The following SLC3A2 variants were observed in gnomAD, a reference collection of about 807,000 sequenced individuals.
SLC3A2 encodes amino acid transporter heavy chain SLC3A2.
A neutral mutation model predicts 48.5 loss-of-function variants in SLC3A2; 32 were observed. The ratio of observed to expected loss-of-function variants is 0.66; its 90% CI spans 0.50 to 0.89. The LOEUF (loss-of-function observed/expected upper bound fraction) is 0.89. Among genes scored for constraint, SLC3A2 ranks in the 40% least tolerant of loss-of-function variants. The pLI is 0.00. For synonymous variants in SLC3A2, 277 were observed against 288.8 expected, an observed-to-expected ratio of 0.96 and a Z score of 0.41; for missense variants, 587 against 680.7, an observed-to-expected ratio of 0.86 and a Z score of 1.53.
chr11:62,882,263 G>A (rs2085651779), intron 2 of SLC3A2, 197 bp downstream of exon 2: 1 of 619,748 alleles, frequency 1.6e-6, no homozygotes, highest in African/African-American at 1.8e-5. Flanking sequence ...GTGGAATCTT[G>A]AGCAGGTCAT....
chr11:62,869,810 T>A (rs2085492575), intron 1 of SLC3A2, among the ~76,000 whole-genome samples: 2 of 150,126 alleles, frequency 1.3e-5, no homozygotes, highest in Admixed American at 1.3e-4. Flanking sequence ...TGAGTTGGAG[T>A]CTTGCTCTGT....
At chr11:62,886,032 G>A (rs2085709311) in intron 7 of SLC3A2, among the ~76,000 whole-genome samples, 1 of 152,202 alleles carries the variant, frequency 6.6e-6, no homozygotes, top group African/African-American at 2.4e-5. Flanking sequence ...GCTCATGCCT[G>A]TAATCCTAGC....
intron 1 of SLC3A2, among the ~76,000 whole-genome samples, chr11:62,865,408 C>T (rs2085441984): frequency 6.6e-6 from 1 of 151,966 alleles, no homozygotes; most frequent in Non-Finnish European, 1.5e-5. Flanking sequence ...CAAAAATTAG[C>T]TGGGCATGGT....
chr11:62,882,365 G>A (rs906950482), intron 2 of SLC3A2: 1 of 348,974 alleles, frequency 2.9e-6, no homozygotes, highest in Admixed American at 4.4e-5. Context: ...GTTTTTTTGG[G>A]GGGGGGGAAT....
intron 3 of SLC3A2, 150 bp downstream of exon 3, chr11:62,883,149 G>C: frequency 1.5e-6 from 1 of 668,008 alleles, no homozygotes; most frequent in Non-Finnish European, 2.7e-6. Flanking sequence ...ATAGCCAAAG[G>C]ATAGGCCAAT....
intron 1 of SLC3A2, among the ~76,000 whole-genome samples, chr11:62,863,645 G>C (rs2085424222): frequency 6.6e-6 from 1 of 152,198 alleles, no homozygotes; most frequent in South Asian, 2.1e-4. Flanking sequence ...TTCTGGTTCT[G>C]CTTTCAGCTT....
At chr11:62,871,527 A>C in intron 1 of SLC3A2, 1 of 582,098 alleles carries the variant, frequency 1.7e-6, no homozygotes, top group Non-Finnish European at 3.1e-6. Context: ...GGCGTGAGCC[A>C]CTGTGCCCAA....
At position 62,888,173 on chromosome 11, in the gene SLC3A2, C is replaced by T. The variant is rs1182366880; in HGVS notation, c.1182C>T (p.Ser394=). The part of the protein sequence containing the change: ...EAPVMLWDES[S]FPDIPGAVSA... The stretch of plus-strand genomic sequence containing the variant: ...CAGTCATGCTGTGGGATGAGTCCAG[C>T]TTCCCTGACATCCCAGGGGCTGTAA... Residue 394 remains serine (S), a synonymous_variant, in exon 8 of 9, where the codon AGC becomes AGT. Coordinates refer to ENST00000338663, the MANE Select transcript of SLC3A2 (RefSeq NM_001013251.3). 1 of 1,614,044 alleles carries T rather than the reference C, an allele frequency of 6.2e-7. No homozygotes were observed. The highest frequency in any genetic ancestry group is 1.1e-5 in the South Asian group (1 of 91,074).
chr11:62,887,510 C>T (rs528558463), intron 7 of SLC3A2, among the ~76,000 whole-genome samples: 15 of 152,202 alleles, frequency 9.9e-5, no homozygotes, highest in African/African-American at 3.6e-4. Context: ...CGAGACCAGC[C>T]TAGCCAACAT....
chr11:62,859,839 G>A (rs2085378989), intron 1 of SLC3A2, among the ~76,000 whole-genome samples: 1 of 151,768 alleles, frequency 6.6e-6, no homozygotes, highest in Non-Finnish European at 1.5e-5. Context: ...CTGTAATCCT[G>A]AAGGGGGCCA....
chr11:62,857,250 T>C (rs1485419021), intron 1 of SLC3A2, among the ~76,000 whole-genome samples: 1 of 152,164 alleles, frequency 6.6e-6, no homozygotes, highest in Non-Finnish European at 1.5e-5. Flanking sequence ...GCCTCCTGAG[T>C]AGCTGGGATT....
At position 62,881,858 on chromosome 11, in the gene SLC3A2, A is replaced by T. The variant is rs1459348222; in HGVS notation, c.425-35A>T. The T allele has an allele frequency of 6.2e-7, 1 of 1,604,518 alleles. No homozygotes were observed. ...GGTGGGGAGGTCAGGGGCCTCTCAG[A>T]GGGGCCTCACTTGTTAACCCAGCCC... On this transcript the variant is annotated intron_variant, in intron 1 of 8. Transcript: ENST00000338663. The surrounding 1 kb of genome is among the most constrained non-coding windows in gnomAD (Gnocchi z 4.0).
intron 7 of SLC3A2, among the ~76,000 whole-genome samples, chr11:62,886,048 G>A (rs1387747229): frequency 6.6e-6 from 1 of 152,194 alleles, no homozygotes; most frequent in Non-Finnish European, 1.5e-5. Context: ...CTAGCACTTT[G>A]GGAGTCCAAG....
intron 1 of SLC3A2, among the ~76,000 whole-genome samples, chr11:62,874,441 T>C (rs1182702067): frequency 1.3e-5 from 2 of 152,164 alleles, no homozygotes; most frequent in Admixed American, 1.3e-4. Context: ...TTGTCTAACT[T>C]ACTTGAATAC....
intron 1 of SLC3A2, among the ~76,000 whole-genome samples, chr11:62,867,608 G>A (rs1341288498): frequency 2.0e-5 from 3 of 152,036 alleles, no homozygotes; most frequent in South Asian, 2.1e-4. Context: ...ACAGGCGTGA[G>A]CCACCGTGCC....
chr11:62,877,490 G>T (rs1485482255), upstream of SLC3A2, among the ~76,000 whole-genome samples: 4 of 152,212 alleles, frequency 2.6e-5, no homozygotes, highest in African/African-American at 9.7e-5. Flanking sequence ...ATAGCACAAG[G>T]CTCCTGCCAC....
At chr11:62,873,969 ATTTTTTTTTTTTTTTTTTTTTT>A (rs573491653) in intron 1 of SLC3A2, among the ~76,000 whole-genome samples, 16 of 38,868 alleles carry the variant, frequency 4.1e-4, no homozygotes, top group South Asian at 1.3e-3. Context: ...TGCCCAGCTA[ATTTTTTTTTTTTTTTTTTTTTT>A]TTTTTTTTTT....
chr11:62,863,076 A>G (rs147195356), intron 1 of SLC3A2, among the ~76,000 whole-genome samples: 2 of 151,574 alleles, frequency 1.3e-5, no homozygotes, highest in African/African-American at 4.9e-5. Flanking sequence ...CGCTGCAACC[A>G]CTCCCAGCTG....
At position 62,885,591 on chromosome 11, in the gene SLC3A2, G is replaced by GCTGC; in HGVS notation, c.1128_1131dup (p.Leu378CysfsTer16). ...CGGGGATGAGATTGGCCTGGATGCAGCTGCCCTTCCTGGACAGGTACTGCT... is the reference window on the plus strand; with the variant it reads ...CGGGGATGAGATTGGCCTGGATGCAGCTGCCTGCCCTTCCTGGACAGGTACTGCT... On this transcript the variant is annotated frameshift_variant, in exon 7 of 9. Transcript: ENST00000338663. LOFTEE classifies it high-confidence loss of function. 1.2e-6 allele frequency: 2 copies of GCTGC among 1,614,162 alleles called. No individual in the cohort carries two copies. Among genetic ancestry groups the GCTGC allele is most frequent in the Non-Finnish European group, 1.7e-6 (2 of 1,180,012 alleles).
Sources: gnomAD v4.1 joint callset for allele counts (sites outside exome capture counted in the v4.1 genomes callset) on GRCh38, gnomAD v4.1.1 for gene constraint, Gnocchi (gnomAD v3.1) non-coding constraint, MANE v1.5 for transcripts, NCBI Gene and HGNC (gene_info 2026-07-23, HGNC 2026-07-21) for gene names.